Variants in B3GALT1 observed in about 807,000 individuals in gnomAD.
B3GALT1 encodes UDP-Gal:betaGlcNAc beta 1,3-galactosyltransferase, polypeptide 1.
A neutral mutation model predicts 23.2 loss-of-function variants in B3GALT1; 10 were observed. That is an observed-to-expected ratio of 0.43 (90% CI 0.27 to 0.73). The LOEUF (loss-of-function observed/expected upper bound fraction) is 0.73. B3GALT1 is among the 30% of genes least tolerant of loss of function. The pLI is 0.21. For missense variants in B3GALT1, 299 were observed against 405.4 expected (o/e 0.74, Z 2.25); for synonymous variants, 156 against 141.5 (o/e 1.10, Z -0.73).
At chr2:167,477,175 T>A (rs1026103532) in intron 1 of B3GALT1, among the ~76,000 whole-genome samples, 1 of 152,174 alleles carries the variant, frequency 6.6e-6, no homozygotes, top group Non-Finnish European at 1.5e-5. Context: ...TTTAAATCTT[T>A]GTGCGTGGGA....
chr2:167,341,497 AC>A (rs1259203920), intron 1 of B3GALT1, among the ~76,000 whole-genome samples: 1 of 152,142 alleles, frequency 6.6e-6, no homozygotes, highest in African/African-American at 2.4e-5. Context: ...CCCTGTCTCT[AC>A]AAAAAATGCA....
chr2:167,560,164 G>A (rs1683945358), intron 2 of B3GALT1, among the ~76,000 whole-genome samples: 2 of 152,122 alleles, frequency 1.3e-5, no homozygotes. Context: ...CATTCTTGAA[G>A]AAAAGAATTT....
chr2:167,365,059 G>A (rs571315638), intron 1 of B3GALT1, among the ~76,000 whole-genome samples: 3 of 152,220 alleles, frequency 2.0e-5, no homozygotes, highest in East Asian at 3.9e-4. Context: ...CCACTTTTCC[G>A]ATGGGTGTTG....
chr2:167,816,955 G>A, intron 3 of B3GALT1, among the ~76,000 whole-genome samples: 1 of 152,144 alleles, frequency 6.6e-6, no homozygotes, highest in East Asian at 1.9e-4. Context: ...ATAAGGCAAA[G>A]GATTCCCAAG....
At chr2:167,792,344 A>G (rs1043427155) in intron 3 of B3GALT1, among the ~76,000 whole-genome samples, 3 of 152,238 alleles carry the variant, frequency 2.0e-5, no homozygotes, top group African/African-American at 7.2e-5. Flanking sequence ...TAAGTAAGTC[A>G]TGGCCCCTGG....
chr2:167,552,276 A>T (rs1689400371), intron 2 of B3GALT1, among the ~76,000 whole-genome samples: 1 of 152,200 alleles, frequency 6.6e-6, no homozygotes, highest in Non-Finnish European at 1.5e-5. Context: ...CCTCTCCTTC[A>T]GTTCTGACAC....
At chr2:167,858,809 C>T (rs1253691152) in intron 4 of B3GALT1, among the ~76,000 whole-genome samples, 2 of 152,056 alleles carry the variant, frequency 1.3e-5, no homozygotes, top group Non-Finnish European at 2.9e-5. Flanking sequence ...AAAGAAAAAT[C>T]GCCAAGTCTG....
chr2:167,622,944 A>C (rs1179055493), intron 2 of B3GALT1, among the ~76,000 whole-genome samples: 1 of 152,118 alleles, frequency 6.6e-6, no homozygotes, highest in Non-Finnish European at 1.5e-5. Flanking sequence ...AAGATCAAAC[A>C]GTCAAGATTA....
intron 3 of B3GALT1, among the ~76,000 whole-genome samples, chr2:167,800,630 A>G (rs1170055264): frequency 2.0e-5 from 3 of 152,204 alleles, no homozygotes; most frequent in African/African-American, 7.2e-5. Context: ...CTTTGAAATG[A>G]TTCCTCACTA....
At chr2:167,690,924 A>T (rs1341293077) in intron 3 of B3GALT1, among the ~76,000 whole-genome samples, 2 of 152,206 alleles carry the variant, frequency 1.3e-5, no homozygotes, top group Non-Finnish European at 2.9e-5. Context: ...AATTTTCATC[A>T]GTTTTTAACT....
chr2:167,722,858 G>A (rs1397850453), intron 3 of B3GALT1, among the ~76,000 whole-genome samples: 2 of 152,102 alleles, frequency 1.3e-5, no homozygotes, highest in African/African-American at 4.8e-5. Flanking sequence ...TTCTTCCTTT[G>A]GCTTCTATCT....
intron 2 of B3GALT1, among the ~76,000 whole-genome samples, chr2:167,520,318 A>G (rs1024833793): frequency 9.2e-5 from 14 of 151,934 alleles, no homozygotes; most frequent in Non-Finnish European, 1.8e-4. Context: ...ACATTTTTTT[A>G]AGATTAGGAA....
rs1258575108 is a variant in B3GALT1 at position 167,440,298 on chromosome 2, G to A, written c.-510-49879G>A. Among the ~76,000 whole-genome samples, 3 of 141,290 alleles carry A rather than the reference G, an allele frequency of 2.1e-5. No homozygotes were observed. The Admixed American group carries it at 2.2e-4, about 11-fold the overall frequency. 92.7% of individuals were successfully genotyped at this position (141,290 alleles called of 152,430 possible). ...GCGGAGCTTGCAGTGAGCCAAGATTGCACCACTGCACACTCCATCCTGGGT... is the reference window on the plus strand; with the variant it reads ...GCGGAGCTTGCAGTGAGCCAAGATTACACCACTGCACACTCCATCCTGGGT... On this transcript the variant is annotated intron_variant, in intron 1 of 4. Coordinates refer to ENST00000392690, the MANE Select transcript of B3GALT1 (RefSeq NM_020981.4).
chr2:167,598,510 A>G (rs947215461), intron 2 of B3GALT1, among the ~76,000 whole-genome samples: 1 of 152,180 alleles, frequency 6.6e-6, no homozygotes, highest in African/African-American at 2.4e-5. Context: ...TACTTATAAA[A>G]TGGAAAGAGA....
intron 4 of B3GALT1, among the ~76,000 whole-genome samples, chr2:167,836,477 A>G (rs1014911948): frequency 6.6e-6 from 1 of 152,198 alleles, no homozygotes; most frequent in African/African-American, 2.4e-5. Flanking sequence ...AGTTTAGAGA[A>G]AAAAGAATAA....
At chr2:167,430,833 C>T (rs1698695732) in intron 1 of B3GALT1, among the ~76,000 whole-genome samples, 1 of 152,142 alleles carries the variant, frequency 6.6e-6, no homozygotes, top group African/African-American at 2.4e-5. Context: ...TGATGGCATA[C>T]CCCCAAATTA....
chr2:167,440,279 C>T (rs1056594658), intron 1 of B3GALT1, among the ~76,000 whole-genome samples: 2 of 145,044 alleles, frequency 1.4e-5, no homozygotes, highest in Admixed American at 7.1e-5. Flanking sequence ...GGAGGCGGAG[C>T]TTGCAGTGAG....
chr2:167,785,932 T>C (rs1418246924), intron 3 of B3GALT1, among the ~76,000 whole-genome samples: 1 of 152,216 alleles, frequency 6.6e-6, no homozygotes, highest in Non-Finnish European at 1.5e-5. Flanking sequence ...GCTTTTCCGA[T>C]TTCATAGTAG....
intron 2 of B3GALT1, among the ~76,000 whole-genome samples, chr2:167,596,191 T>C (rs1345765725): frequency 6.6e-6 from 1 of 152,302 alleles, no homozygotes; most frequent in East Asian, 1.9e-4. Flanking sequence ...TTGAGAGAAA[T>C]AGAATGAGAA....
Sources: gnomAD v4.1 joint callset for allele counts (sites outside exome capture counted in the v4.1 genomes callset) on GRCh38, gnomAD v4.1.1 for gene constraint, MANE v1.5 for transcripts, NCBI Gene and HGNC (gene_info 2026-07-23, HGNC 2026-07-21) for gene names.